Variants in SLC8A3 observed in about 807,000 individuals in gnomAD.
SLC8A3 encodes solute carrier family 8 member A3, also known as sodium/calcium exchanger 3.
SLC8A3 carries 37 observed loss-of-function variants against 65.4 expected under a neutral mutation model. The observed-to-expected ratio is 0.57, with a 90% CI of 0.44 to 0.74. The LOEUF is 0.74. Among genes scored for constraint, SLC8A3 ranks in the 30% least tolerant of loss-of-function variants. The pLI is 0.00. For missense variants in SLC8A3, 1,112 were observed against 1,172.1 expected, an observed-to-expected ratio of 0.95 and a Z score of 0.75; for synonymous variants, 461 against 444.5, an observed-to-expected ratio of 1.04 and a Z score of -0.47.
Position 70,145,272 on chromosome 14 carries a change from C to T in SLC8A3, c.1784+21367G>A, listed in dbSNP as rs995943102. Among the ~76,000 whole-genome samples, 4 of 152,202 alleles carry T rather than the reference C, an allele frequency of 2.6e-5. No homozygotes were observed. The South Asian group carries it at 6.2e-4, about 24-fold the overall frequency. ...TAAGTATTGGGGAAGAATCCCTCAC[C>T]TACTTCCAAATCCCTTACATATCAA... On this transcript the variant is annotated intron_variant, in intron 2 of 6. Transcript: ENST00000356921.
At chr14:70,172,171 C>G (rs1292557299) in intron 1 of SLC8A3, among the ~76,000 whole-genome samples, 2 of 152,140 alleles carry the variant, frequency 1.3e-5, no homozygotes, top group African/African-American at 4.8e-5. Flanking sequence ...AGGACCACCC[C>G]AAATCATAAA....
At chr14:70,174,776 A>T in intron 1 of SLC8A3, among the ~76,000 whole-genome samples, 1 of 140,832 alleles carries the variant, frequency 7.1e-6, no homozygotes, top group Non-Finnish European at 1.5e-5. Flanking sequence ...TTTTCTGATG[A>T]GGGGTGGAGA....
intron 2 of SLC8A3, among the ~76,000 whole-genome samples, chr14:70,082,284 T>C (rs201344785): frequency 6.6e-6 from 1 of 152,088 alleles, no homozygotes; most frequent in Non-Finnish European, 1.5e-5. Flanking sequence ...AATAATTTCT[T>C]GGGGGGGTGA....
chr14:70,046,057 C>A lies in SLC8A3; in HGVS notation c.2656G>T (p.Gly886Cys). The A allele has an allele frequency of 6.2e-7, 1 of 1,614,084 alleles. No individual in the cohort carries two copies. Among genetic ancestry groups the A allele is most frequent in the Non-Finnish European group, 8.5e-7 (1 of 1,179,988 alleles). ...RRRPHLGGEL[G>C]GPRGCKLATT... ...GCGAGCTTGCAGCCACGGGGGCCAC[C>A]AAGCTCCCCTCCCAGGTGCGGCCGC... The change falls in exon 7 of 7, where the codon GGT becomes TGT. Residue 886 changes from glycine (G) to cysteine (C), a missense_variant. Gly to Cys is a radical substitution (Grantham distance 159). Coordinates refer to ENST00000356921, the MANE Select transcript of SLC8A3 (RefSeq NM_182932.3). This position sits in a 1 kb window ranked among gnomAD's most constrained non-coding sequence, Gnocchi z 4.2.
intron 2 of SLC8A3, among the ~76,000 whole-genome samples, chr14:70,165,736 T>C (rs144586285): frequency 5.6e-4 from 85 of 152,176 alleles, no homozygotes; most frequent in African/African-American, 2.0e-3. Flanking sequence ...GGCCTTAGGG[T>C]AATAGAGGTG....
chr14:70,144,320 T>TG, intron 2 of SLC8A3, among the ~76,000 whole-genome samples: 1 of 142,704 alleles, frequency 7.0e-6, no homozygotes, highest in African/African-American at 2.6e-5. Context: ...TTTTTTTTTT[T>TG]TTTTTTTTTT....
intron 2 of SLC8A3, among the ~76,000 whole-genome samples, chr14:70,116,223 G>A (rs1013375549): frequency 5.3e-5 from 8 of 151,928 alleles, no homozygotes; most frequent in South Asian, 4.2e-4. Context: ...TCTCCTCCCC[G>A]CTCCCAAAAA....
chr14:70,055,854 G>A, intron 3 of SLC8A3: 3 of 1,590,950 alleles, frequency 1.9e-6, no homozygotes, highest in Non-Finnish European at 2.6e-6. Flanking sequence ...AGAAAGAAAA[G>A]GAAAGAGCAT....
At chr14:70,122,662 A>G (rs990202648) in intron 2 of SLC8A3, among the ~76,000 whole-genome samples, 1 of 152,126 alleles carries the variant, frequency 6.6e-6, no homozygotes, top group African/African-American at 2.4e-5. Context: ...TAAACTAAGC[A>G]AAAACAAACA....
chr14:70,181,675 A>T (rs1452381755), intron 1 of SLC8A3, among the ~76,000 whole-genome samples: 1 of 152,180 alleles, frequency 6.6e-6, no homozygotes, highest in Non-Finnish European at 1.5e-5. Flanking sequence ...AGGGCAAGGA[A>T]ACTGTAAAAA....
intron 3 of SLC8A3, among the ~76,000 whole-genome samples, chr14:70,054,970 G>A (rs1887920265): frequency 6.6e-6 from 1 of 151,986 alleles, no homozygotes; most frequent in Non-Finnish European, 1.5e-5. Context: ...TCTTGTGTAG[G>A]CCACTCTGCT....
chr14:70,171,080 C>A (rs1365994880), intron 1 of SLC8A3, among the ~76,000 whole-genome samples: 8 of 152,190 alleles, frequency 5.3e-5, no homozygotes, highest in Non-Finnish European at 5.9e-5. Flanking sequence ...TTTACTTTGA[C>A]CTCTGAAAAC....
rs147757075 is a variant in SLC8A3, at chr14:70,067,867, C to T, written c.1785-6928G>A. Among the ~76,000 whole-genome samples the T allele has an allele frequency of 2.4e-3, 358 of 152,286 alleles. 3 individuals are homozygous for T. Among genetic ancestry groups the T allele is most frequent in the African/African-American group, 8.3e-3 (344 of 41,570 alleles). Reference sequence around the variant, plus strand: ...CCCCCATTTCCAGTTCTTCTTCCCGCACAGTGGCAGTTACTTAATGGTCAT... The same window carrying T: ...CCCCCATTTCCAGTTCTTCTTCCCGTACAGTGGCAGTTACTTAATGGTCAT... On this transcript the variant is annotated intron_variant, in intron 2 of 6. Transcript: ENST00000356921.
intron 2 of SLC8A3, among the ~76,000 whole-genome samples, chr14:70,122,886 A>T (rs1566794234): frequency 6.6e-6 from 1 of 151,518 alleles, no homozygotes; most frequent in Non-Finnish European, 1.5e-5. Context: ...AGCCTGGCCA[A>T]CATAATGAAA....
intron 2 of SLC8A3, among the ~76,000 whole-genome samples, chr14:70,146,452 T>C (rs1184162420): frequency 2.0e-5 from 3 of 152,162 alleles, no homozygotes; most frequent in East Asian, 1.9e-4. Flanking sequence ...GAGGAGATGA[T>C]GGCTCTCTAA....
intron 2 of SLC8A3, among the ~76,000 whole-genome samples, chr14:70,120,496 G>A (rs1010375123): frequency 2.0e-5 from 3 of 152,218 alleles, no homozygotes; most frequent in Admixed American, 1.3e-4. Flanking sequence ...GTCCTCCCTA[G>A]GGGCTCACAT....
At chr14:70,066,892 T>C (rs1192913015) in intron 2 of SLC8A3, among the ~76,000 whole-genome samples, 1 of 152,156 alleles carries the variant, frequency 6.6e-6, no homozygotes, top group Non-Finnish European at 1.5e-5. Flanking sequence ...CTAAGAGATT[T>C]TCCTGTTCCT....
intron 1 of SLC8A3, among the ~76,000 whole-genome samples, chr14:70,169,901 C>G (rs956432242): frequency 4.6e-5 from 7 of 151,802 alleles, no homozygotes; most frequent in Non-Finnish European, 5.9e-5. Context: ...AGTCTGAAAG[C>G]CTTCATCTCT....
intron 2 of SLC8A3, among the ~76,000 whole-genome samples, chr14:70,101,441 TA>T (rs548054885): frequency 6.6e-6 from 1 of 150,860 alleles, no homozygotes; most frequent in Non-Finnish European, 1.5e-5. Flanking sequence ...GAGAGAAGAC[TA>T]AAAAAAAGGT....
Sources: allele counts gnomAD v4.1 joint callset (sites outside exome capture counted in the v4.1 genomes callset), GRCh38; gene constraint gnomAD v4.1.1; non-coding constraint Gnocchi (gnomAD v3.1); transcripts MANE v1.5; gene names NCBI Gene and HGNC (gene_info 2026-07-23, HGNC 2026-07-21).